Variants in SOX5 observed in about 807,000 individuals in gnomAD.
SOX5 encodes the protein SRY-box transcription factor 5.
SOX5 carries 9 observed loss-of-function variants against 92.0 expected under a neutral mutation model. That is an observed-to-expected ratio of 0.10 (90% CI 0.06 to 0.17). The LOEUF is 0.17. Ranked by LOEUF, SOX5 falls within the 10% of genes least tolerant of loss-of-function variation. The pLI is 1.00. For missense variants in SOX5, 642 were observed against 944.5 expected (o/e 0.68, Z 4.20); for synonymous variants, 344 against 336.3 (o/e 1.02, Z -0.25).
At chr12:24,272,210 A>C (rs568956299) in intron 3 of SOX5, among the ~76,000 whole-genome samples, 1 of 152,160 alleles carries the variant, frequency 6.6e-6, no homozygotes, top group African/African-American at 2.4e-5. Flanking sequence ...TGCATCTCTT[A>C]TTACCAGAAA....
In SOX5 at chr12:23,695,940, C is replaced by CAAAAAA. The variant is rs71059917; in HGVS notation, c.811-30382_811-30377dup. On this transcript the variant is annotated intron_variant, in intron 6 of 14. Coordinates refer to ENST00000451604, the MANE Select transcript of SOX5 (RefSeq NM_006940.6). Reference sequence around the variant, plus strand: ...TGGGTGACAGAGCGAGACTCTGTCTCAAAAAAAAAAAAAAAAAAAAAAAAA... The same window carrying CAAAAAA: ...TGGGTGACAGAGCGAGACTCTGTCTCAAAAAAAAAAAAAAAAAAAAAAAAAAAAAAA... Among the ~76,000 whole-genome samples, 46 of 11,904 alleles carry CAAAAAA rather than the reference C, an allele frequency of 3.9e-3. 9 individuals are homozygous for CAAAAAA. The highest frequency in any genetic ancestry group is 9.8e-3 in the African/African-American group (36 of 3,672). The allele number at this position is 11,904 out of a possible 152,430, so 7.8% of individuals were successfully genotyped here. A position where few individuals can be genotyped will look rare whatever the true frequency, so the allele number is the denominator to read the frequency against.
chr12:23,848,471 C>T (rs529335548), intron 2 of SOX5, among the ~76,000 whole-genome samples: 2 of 152,248 alleles, frequency 1.3e-5, no homozygotes, highest in South Asian at 4.1e-4. Context: ...CACTATTTCA[C>T]CTGCCTGATT....
intron 4 of SOX5, among the ~76,000 whole-genome samples, chr12:24,154,121 G>A (rs1045223490): frequency 1.1e-4 from 17 of 152,028 alleles, no homozygotes; most frequent in African/African-American, 4.1e-4. Flanking sequence ...AGATTTCCCA[G>A]GTTATCTAGG....
intron 4 of SOX5, among the ~76,000 whole-genome samples, chr12:23,962,572 C>T (rs948714714): frequency 2.6e-5 from 4 of 152,268 alleles, no homozygotes; most frequent in African/African-American, 9.6e-5. Flanking sequence ...GGACTAGCCT[C>T]TGCTTTCATA....
At chr12:24,204,738 A>G (rs1212924087) in intron 4 of SOX5, among the ~76,000 whole-genome samples, 1 of 152,114 alleles carries the variant, frequency 6.6e-6, no homozygotes, top group East Asian at 1.9e-4. Context: ...GACATCACCA[A>G]CTTCTCTCCC....
rs561363041 is a variant in SOX5, at chr12:24,092,549, G to C, written c.-2+120794C>G. 7.5e-4 allele frequency among the ~76,000 whole-genome samples: 114 copies of C among 152,236 alleles called. 3 individuals are homozygous for C. In the South Asian group the frequency reaches 0.023, roughly 31 times the overall value. ...CACCCAAGAAGCCTGCAGACTCTTT[G>C]ACTGGAAGAAACTGGTTAGACCTAA... On this transcript the variant is annotated intron_variant, in intron 4 of 4. Transcript: ENST00000446891.
intron 3 of SOX5, among the ~76,000 whole-genome samples, chr12:23,804,421 T>A (rs748031061): frequency 6.6e-6 from 1 of 152,062 alleles, no homozygotes; most frequent in Non-Finnish European, 1.5e-5. Flanking sequence ...CCAGGAAGAA[T>A]AGGCAATGAG....
At chr12:24,415,119 G>A (rs10842342) in intron 1 of SOX5, among the ~76,000 whole-genome samples, 1 of 151,914 alleles carries the variant, frequency 6.6e-6, no homozygotes, top group Non-Finnish European at 1.5e-5. Context: ...TTTAGAAAAG[G>A]CTTTGTGGTT....
chr12:23,584,568 C>T (rs1334391073), intron 9 of SOX5: 1 of 1,611,216 alleles, frequency 6.2e-7, no homozygotes, highest in Non-Finnish European at 8.5e-7. Flanking sequence ...GCTCCTATGG[C>T]ACAAATCTCC....
intron 2 of SOX5, among the ~76,000 whole-genome samples, chr12:24,361,205 AT>A (rs1361815546): frequency 6.6e-6 from 1 of 152,178 alleles, no homozygotes; most frequent in Non-Finnish European, 1.5e-5. Flanking sequence ...TTACATGACC[AT>A]TACAACAACA....
intron 4 of SOX5, among the ~76,000 whole-genome samples, chr12:24,090,442 G>A (rs1944505207): frequency 6.6e-6 from 1 of 151,976 alleles, no homozygotes; most frequent in Non-Finnish European, 1.5e-5. Context: ...CATCCCAAGA[G>A]CTCAAAGAGA....
chr12:23,608,424 T>G (rs2075546621), intron 8 of SOX5, among the ~76,000 whole-genome samples: 1 of 152,232 alleles, frequency 6.6e-6, no homozygotes, highest in Non-Finnish European at 1.5e-5. Flanking sequence ...TATTATTGAT[T>G]ACTTCGTGTC....
chr12:24,520,808 T>C (rs942541568), intron 1 of SOX5, among the ~76,000 whole-genome samples: 6 of 152,194 alleles, frequency 3.9e-5, no homozygotes, highest in African/African-American at 1.4e-4. Flanking sequence ...AGGAATTTCG[T>C]GCAAATGGCA....
intron 6 of SOX5, among the ~76,000 whole-genome samples, chr12:23,691,770 ATCTG>A (rs1277094430): frequency 6.6e-6 from 1 of 152,142 alleles, no homozygotes; most frequent in African/African-American, 2.4e-5. Context: ...CTCACAAAAG[ATCTG>A]TCTATTTTAA....
chr12:24,389,040 T>C (rs1181308237), intron 1 of SOX5, among the ~76,000 whole-genome samples: 6 of 152,110 alleles, frequency 3.9e-5, no homozygotes, highest in African/African-American at 1.4e-4. Context: ...TGTGCCATGC[T>C]GGTGTGCTGC....
At chr12:24,021,955 T>C (rs1425369583) in intron 4 of SOX5, among the ~76,000 whole-genome samples, 3 of 152,216 alleles carry the variant, frequency 2.0e-5, no homozygotes, top group Non-Finnish European at 4.4e-5. Context: ...TATTTTCTCA[T>C]GTATATTATG....
intron 4 of SOX5, among the ~76,000 whole-genome samples, chr12:24,121,885 C>CAAAAA: frequency 4.1e-5 from 2 of 48,252 alleles, no homozygotes; most frequent in South Asian, 1.2e-3. Flanking sequence ...GACTCTATCT[C>CAAAAA]AAAAAAAAAA....
intron 4 of SOX5, among the ~76,000 whole-genome samples, chr12:24,063,053 C>T (rs879091310): frequency 6.6e-6 from 1 of 152,292 alleles, no homozygotes; most frequent in South Asian, 2.1e-4. Context: ...CCCATGGAAA[C>T]ATGAAATCAT....
At position 24,100,125 on chromosome 12, in the gene SOX5, C is replaced by T. The variant is rs545680402; in HGVS notation, c.-2+113218G>A. Among the ~76,000 whole-genome samples the T allele has an allele frequency of 1.4e-4, 21 of 152,252 alleles. 1 individual carries two copies. In the South Asian group the frequency reaches 3.9e-3, roughly 29 times the overall value. ...CTCCCCTTTCCTGCATCTACAATCTCTCCCTTCTTACTGGATCATGGAAAA... is the reference window on the plus strand; with the variant it reads ...CTCCCCTTTCCTGCATCTACAATCTTTCCCTTCTTACTGGATCATGGAAAA... On this transcript the variant is annotated intron_variant, in intron 4 of 4. Coordinates refer to the SOX5 transcript ENST00000446891.
Sources: gnomAD v4.1 joint callset for allele counts (sites outside exome capture counted in the v4.1 genomes callset) on GRCh38, gnomAD v4.1.1 for gene constraint, MANE v1.5 for transcripts, NCBI Gene and HGNC (gene_info 2026-07-23, HGNC 2026-07-21) for gene names.